The following IQGAP1 variants were observed in gnomAD, a reference collection of about 807,000 sequenced individuals.
IQGAP1 encodes ras GTPase-activating-like protein IQGAP1.
IQGAP1 carries 66 observed loss-of-function variants against 215.6 expected under a neutral mutation model. The observed-to-expected ratio is 0.31, with a 90% CI of 0.25 to 0.38. The LOEUF (loss-of-function observed/expected upper bound fraction) is 0.38, where lower values mean the gene tolerates loss of function less well. Among genes scored for constraint, IQGAP1 ranks in the 10% least tolerant of loss-of-function variants. IQGAP1 has a pLI of 1.00. For synonymous variants in IQGAP1, 772 were observed against 728.7 expected (o/e 1.06, Z -0.96); for missense variants, 1,712 against 1,997.1 (o/e 0.86, Z 2.72).
chr15:90,466,490 G>C, intron 17 of IQGAP1, 54 bp downstream of exon 17: 417 of 1,397,702 alleles, frequency 3.0e-4, no homozygotes, highest in Non-Finnish European at 3.8e-4. Flanking sequence ...GAGTATATGA[G>C]GGGACAGATG....
intron 2 of IQGAP1, among the ~76,000 whole-genome samples, chr15:90,398,836 G>C (rs896010206): frequency 6.6e-6 from 1 of 151,830 alleles, no homozygotes; most frequent in Non-Finnish European, 1.5e-5. Context: ...AACCTCATCT[G>C]TACTAAAAAT....
At chr15:90,465,938 C>T (rs1965824748) in intron 15 of IQGAP1, 63 bp from the exon 16 acceptor site, 2 of 1,253,420 alleles carry the variant, frequency 1.6e-6, no homozygotes, top group Non-Finnish European at 2.3e-6. Flanking sequence ...CCCCCTTCTT[C>T]ACATGTATGT....
At position 90,443,374 on chromosome 15, in the gene IQGAP1, C is replaced by A. The variant is rs773626701; in HGVS notation, c.829-20C>A. 4 of 1,548,478 alleles carry A rather than the reference C, an allele frequency of 2.6e-6. No individual in the cohort carries two copies. The South Asian group carries it at 3.4e-5, about 13-fold the overall frequency. The stretch of plus-strand genomic sequence containing the variant: ...TAGACACCTTAAGCTAACTTAATTA[C>A]GCTTTTTACTCATCCTCAGACAGAA... On this transcript the variant is annotated intron_variant, in intron 8 of 37. Coordinates refer to ENST00000268182, the MANE Select transcript of IQGAP1 (RefSeq NM_003870.4).
intron 4 of IQGAP1, among the ~76,000 whole-genome samples, chr15:90,432,026 A>T (rs1340985511): frequency 6.6e-6 from 1 of 152,164 alleles, no homozygotes; most frequent in Non-Finnish European, 1.5e-5. Context: ...AGTGATGGAC[A>T]TACTTTAAGA....
intron 9 of IQGAP1, among the ~76,000 whole-genome samples, chr15:90,444,194 A>G (rs1052313374): frequency 1.3e-5 from 2 of 151,634 alleles, no homozygotes; most frequent in South Asian, 2.1e-4. Flanking sequence ...AGAAATAATC[A>G]TCACTTAGGA....
At chr15:90,469,825 A>T (rs1312254136) in intron 18 of IQGAP1, among the ~76,000 whole-genome samples, 1 of 151,602 alleles carries the variant, frequency 6.6e-6, no homozygotes, top group Non-Finnish European at 1.5e-5. Flanking sequence ...AGGAGAGAAA[A>T]TAGAAAAGGA....
intron 34 of IQGAP1, among the ~76,000 whole-genome samples, chr15:90,491,942 A>G (rs1966211232): frequency 6.6e-6 from 1 of 152,232 alleles, no homozygotes; most frequent in Admixed American, 6.6e-5. Flanking sequence ...CTGTTGCACT[A>G]AGATAATATT....
At chr15:90,438,696 A>T (rs1965404895) in intron 5 of IQGAP1, among the ~76,000 whole-genome samples, 1 of 152,032 alleles carries the variant, frequency 6.6e-6, no homozygotes, top group South Asian at 2.1e-4. Context: ...AAATGAAGAG[A>T]CACTTCACAT....
chr15:90,410,598 A>T (rs1964946602), intron 2 of IQGAP1, among the ~76,000 whole-genome samples: 1 of 151,042 alleles, frequency 6.6e-6, no homozygotes, highest in African/African-American at 2.4e-5. Flanking sequence ...AGAAAACCAA[A>T]CACCGCATGT....
At chr15:90,438,563 G>A (rs1965401664) in intron 5 of IQGAP1, among the ~76,000 whole-genome samples, 4 of 152,006 alleles carry the variant, frequency 2.6e-5, no homozygotes, top group Admixed American at 2.6e-4. Flanking sequence ...AAATTACCTG[G>A]ATTAAACTTT....
intron 2 of IQGAP1, among the ~76,000 whole-genome samples, chr15:90,406,162 G>GA (rs764194729): frequency 6.6e-6 from 1 of 152,168 alleles, no homozygotes; most frequent in Non-Finnish European, 1.5e-5. Context: ...CATTGGACCA[G>GA]AAAAATTCCA....
At chr15:90,434,207 C>T (rs1316513175) in intron 5 of IQGAP1, among the ~76,000 whole-genome samples, 3 of 151,954 alleles carry the variant, frequency 2.0e-5, no homozygotes, top group African/African-American at 7.3e-5. Flanking sequence ...GAGGCCAAGG[C>T]GGGTGGATCA....
intron 2 of IQGAP1, chr15:90,391,201 G>C (rs1792536598): frequency 4.9e-6 from 1 of 204,200 alleles, no homozygotes; most frequent in South Asian, 8.0e-5. Flanking sequence ...TCTCACCACT[G>C]TGCTCTAGCC....
At chr15:90,494,950 A>G in intron 36 of IQGAP1, 115 bp downstream of exon 36, 1 of 671,506 alleles carries the variant, frequency 1.5e-6, no homozygotes, top group Non-Finnish European at 2.4e-6. Flanking sequence ...TTTTTTATGT[A>G]TTTATATATT....
intron 3 of IQGAP1, among the ~76,000 whole-genome samples, chr15:90,429,105 G>A (rs912075076): frequency 6.6e-6 from 1 of 152,088 alleles, no homozygotes; most frequent in Non-Finnish European, 1.5e-5. Flanking sequence ...TGTCCACCTC[G>A]GCCTGCCAAT....
intron 2 of IQGAP1, among the ~76,000 whole-genome samples, chr15:90,423,352 G>T (rs993303640): frequency 2.6e-5 from 4 of 152,086 alleles, no homozygotes; most frequent in Non-Finnish European, 5.9e-5. Flanking sequence ...TCCTGTCTTA[G>T]CCTCCCAAGT....
intron 19 of IQGAP1, 106 bp downstream of exon 19, chr15:90,473,116 A>C: frequency 1.0e-6 from 1 of 996,722 alleles, no homozygotes; most frequent in Non-Finnish European, 1.5e-6. Context: ...TGAGTGCTGG[A>C]CTCTTAGTCT....
chr15:90,475,947 A>G (rs1377645655), intron 23 of IQGAP1, among the ~76,000 whole-genome samples: 2 of 151,472 alleles, frequency 1.3e-5, no homozygotes, highest in African/African-American at 4.9e-5. Context: ...TTTTAATTTT[A>G]TTTTTTGAAA....
intron 4 of IQGAP1, among the ~76,000 whole-genome samples, chr15:90,431,040 AATATATT>A (rs780118424): frequency 2.0e-4 from 30 of 148,194 alleles, no homozygotes; most frequent in Admixed American, 2.0e-4. Flanking sequence ...TCATATATAC[AATATATT>A]ATATATTATA....
Sources: gnomAD v4.1 joint callset for allele counts (sites outside exome capture counted in the v4.1 genomes callset) on GRCh38, gnomAD v4.1.1 for gene constraint, MANE v1.5 for transcripts, NCBI Gene and HGNC (gene_info 2026-07-23, HGNC 2026-07-21) for gene names.